The following CNTN5 variants were observed in gnomAD, a reference collection of about 807,000 sequenced individuals.
The protein encoded by CNTN5 is contactin 5.
In CNTN5, 77 loss-of-function variants were observed where a neutral mutation model predicts 129.1. That is an observed-to-expected ratio of 0.60 (90% CI 0.50 to 0.72). CNTN5 has a LOEUF of 0.72. Among genes scored for constraint, CNTN5 ranks in the 30% least tolerant of loss-of-function variants. The pLI is 0.00. For missense variants in CNTN5, 1,478 were observed against 1,328.8 expected, an observed-to-expected ratio of 1.11 and a Z score of -1.75; for synonymous variants, 509 against 465.6, an observed-to-expected ratio of 1.09 and a Z score of -1.20.
intron 16 of CNTN5, among the ~76,000 whole-genome samples, chr11:100,243,822 C>T (rs189903210): frequency 6.6e-6 from 1 of 152,192 alleles, no homozygotes; most frequent in African/African-American, 2.4e-5. Context: ...ACCTTTTGAA[C>T]CCTCTTCAGT....
intron 1 of CNTN5, among the ~76,000 whole-genome samples, chr11:99,251,858 G>T (rs1271252059): frequency 6.6e-6 from 1 of 151,978 alleles, no homozygotes; most frequent in Non-Finnish European, 1.5e-5. Flanking sequence ...TTTGTGTCCT[G>T]TCGTGAGGAA....
intron 3 of CNTN5, among the ~76,000 whole-genome samples, chr11:99,577,914 G>T (rs7925482): frequency 0.063 from 9,460 of 151,188 alleles, 364 homozygotes; most frequent in Non-Finnish European, 0.074. Context: ...TGCCATGTTG[G>T]TGTGCTGCAC....
intron 9 of CNTN5, among the ~76,000 whole-genome samples, chr11:100,033,692 T>G (rs1178194084): frequency 6.6e-6 from 1 of 152,216 alleles, no homozygotes; most frequent in Non-Finnish European, 1.5e-5. Context: ...TTAGCACTAC[T>G]GAAGAAAGCA....
At chr11:99,794,543 C>G (rs182900101) in intron 3 of CNTN5, among the ~76,000 whole-genome samples, 1 of 152,138 alleles carries the variant, frequency 6.6e-6, no homozygotes, top group African/African-American at 2.4e-5. Context: ...CTTAAGTGTG[C>G]TTTTGTTGTG....
At chr11:99,965,875 A>G (rs1312766808) in intron 8 of CNTN5, among the ~76,000 whole-genome samples, 1 of 152,192 alleles carries the variant, frequency 6.6e-6, no homozygotes, top group East Asian at 1.9e-4. Flanking sequence ...ATATGATTGA[A>G]AAGTACGTTC....
At chr11:99,507,438 T>C (rs1231771784) in intron 2 of CNTN5, among the ~76,000 whole-genome samples, 2 of 151,494 alleles carry the variant, frequency 1.3e-5, no homozygotes, top group Admixed American at 6.6e-5. Context: ...AAATATAATG[T>C]ATATTGACAT....
At chr11:100,077,290 T>C (rs1027961125) in intron 13 of CNTN5, among the ~76,000 whole-genome samples, 9 of 152,266 alleles carry the variant, frequency 5.9e-5, no homozygotes, top group African/African-American at 2.2e-4. Flanking sequence ...GCTTATTTTA[T>C]TGGAATATAA....
chr11:99,654,225 C>T (rs938498509), intron 3 of CNTN5, among the ~76,000 whole-genome samples: 6 of 151,598 alleles, frequency 4.0e-5, no homozygotes, highest in African/African-American at 1.5e-4. Flanking sequence ...CAGATGTCCA[C>T]AGTAGCTGTG....
chr11:99,339,551 G>A (rs961601068), intron 2 of CNTN5, among the ~76,000 whole-genome samples: 2 of 152,158 alleles, frequency 1.3e-5, no homozygotes, highest in Middle Eastern at 6.8e-3. Context: ...AGGCCGAGAC[G>A]GGTGGATCAC....
intron 16 of CNTN5, among the ~76,000 whole-genome samples, chr11:100,240,246 C>G (rs1290527027): frequency 2.0e-5 from 3 of 152,044 alleles, no homozygotes; most frequent in Non-Finnish European, 4.4e-5. Context: ...CCGACCCCCG[C>G]CAGGGACTGC....
intron 24 of CNTN5, among the ~76,000 whole-genome samples, chr11:100,355,283 G>A (rs755842517): frequency 1.3e-5 from 2 of 151,586 alleles, no homozygotes; most frequent in African/African-American, 2.4e-5. Context: ...CCTAGGTCAG[G>A]ATCATCAATA....
intron 1 of CNTN5, among the ~76,000 whole-genome samples, chr11:99,055,519 G>A (rs536733023): frequency 4.0e-5 from 6 of 151,894 alleles, no homozygotes; most frequent in Non-Finnish European, 2.9e-5. Context: ...TTGAGGAGAC[G>A]TGCCCATTGG....
At chr11:99,202,805 A>C (rs1859276161) in intron 1 of CNTN5, among the ~76,000 whole-genome samples, 1 of 151,182 alleles carries the variant, frequency 6.6e-6, no homozygotes, top group South Asian at 2.1e-4. Context: ...GTCATAATTT[A>C]ATATAGTAAA....
rs374824212 is a variant in CNTN5 at position 99,862,420 on chromosome 11, T to C, written c.577+17158T>C. 6.6e-5 allele frequency among the ~76,000 whole-genome samples: 10 copies of C among 152,144 alleles called. No homozygotes were observed. The East Asian group carries it at 1.9e-3, about 29-fold the overall frequency. ...ACAAATTACCATCTTCCTATATAAC[T>C]ATAAAACAGAATTGCTTTTCTCATT... is the stretch of plus-strand genomic sequence containing the variant. On this transcript the variant is annotated intron_variant, in intron 6 of 24. Coordinates refer to ENST00000524871, the MANE Select transcript of CNTN5 (RefSeq NM_014361.4).
At chr11:99,257,298 G>A (rs920494446) in intron 1 of CNTN5, among the ~76,000 whole-genome samples, 4 of 152,102 alleles carry the variant, frequency 2.6e-5, no homozygotes, top group Non-Finnish European at 4.4e-5. Context: ...TTTCACATGT[G>A]AGGAAGTGAA....
chr11:99,080,500 G>A (rs961731004), intron 1 of CNTN5, among the ~76,000 whole-genome samples: 9 of 152,120 alleles, frequency 5.9e-5, no homozygotes, highest in South Asian at 2.1e-4. Flanking sequence ...AGTCCACTGC[G>A]TCAGCTACAA....
At chr11:99,835,687 G>A (rs1947280352) in intron 4 of CNTN5, among the ~76,000 whole-genome samples, 1 of 152,142 alleles carries the variant, frequency 6.6e-6, no homozygotes, top group Non-Finnish European at 1.5e-5. Context: ...TCAGAATATG[G>A]CCATGTGAAG....
At chr11:99,076,348 A>G (rs1337704326) in intron 1 of CNTN5, among the ~76,000 whole-genome samples, 2 of 151,940 alleles carry the variant, frequency 1.3e-5, no homozygotes, top group African/African-American at 4.8e-5. Flanking sequence ...CAAAACAAAA[A>G]CAAACCAAAA....
At position 99,401,958 on chromosome 11, in the gene CNTN5, T is replaced by C. The variant is rs113138840; in HGVS notation, c.-71+76474T>C. 2.0e-5 allele frequency among the ~76,000 whole-genome samples: 3 copies of C among 152,304 alleles called. No individual in the cohort carries two copies. In the South Asian group the frequency reaches 6.2e-4, roughly 32 times the overall value. Reference sequence around the variant, plus strand: ...TACTGAATTTGTTTATGAGTTCTAATAGATTTTTGGTGGAGTCTGTAGGTT... The same window carrying C: ...TACTGAATTTGTTTATGAGTTCTAACAGATTTTTGGTGGAGTCTGTAGGTT... On this transcript the variant is annotated intron_variant, in intron 2 of 24. Coordinates refer to ENST00000524871, the MANE Select transcript of CNTN5 (RefSeq NM_014361.4).
Sources: gnomAD v4.1 joint callset for allele counts (sites outside exome capture counted in the v4.1 genomes callset) on GRCh38, gnomAD v4.1.1 for gene constraint, MANE v1.5 for transcripts, NCBI Gene and HGNC (gene_info 2026-07-23, HGNC 2026-07-21) for gene names.